The following VEPH1 variants were observed in gnomAD, a reference collection of about 807,000 sequenced individuals.
The protein encoded by VEPH1 is ventricular zone-expressed PH domain-containing protein homolog 1.
VEPH1 carries 80 observed loss-of-function variants against 85.2 expected under a neutral mutation model. The observed-to-expected ratio is 0.94, with a 90% CI of 0.78 to 1.13. The LOEUF (loss-of-function observed/expected upper bound fraction) is 1.13, where lower values mean the gene tolerates loss of function less well. Ranked by LOEUF, VEPH1 falls within the 50% of genes most tolerant of loss-of-function variation. VEPH1 has a pLI of 0.00. For missense variants in VEPH1, 955 were observed against 980.5 expected, an observed-to-expected ratio of 0.97 and a Z score of 0.35; for synonymous variants, 297 against 348.0, an observed-to-expected ratio of 0.85 and a Z score of 1.63.
intron 12 of VEPH1, among the ~76,000 whole-genome samples, chr3:157,272,634 T>G (rs79360845): frequency 9.2e-5 from 2 of 21,856 alleles, no homozygotes; most frequent in African/African-American, 3.9e-4. Flanking sequence ...GTTTTAAAAA[T>G]TTTTTATTTT....
intron 11 of VEPH1, among the ~76,000 whole-genome samples, chr3:157,312,900 ATT>A (rs140277345): frequency 9.7e-4 from 95 of 98,050 alleles, no homozygotes; most frequent in Middle Eastern, 6.2e-3. Context: ...AAAAAAAAAC[ATT>A]TTTTTTTTTT....
At chr3:157,463,488 A>G (rs1736068615) in intron 3 of VEPH1, among the ~76,000 whole-genome samples, 1 of 152,148 alleles carries the variant, frequency 6.6e-6, no homozygotes, top group Non-Finnish European at 1.5e-5. Context: ...ACTTCCCTGA[A>G]TGCCTTTGTC....
intron 5 of VEPH1, among the ~76,000 whole-genome samples, chr3:157,426,831 A>G (rs960637793): frequency 1.4e-5 from 2 of 144,772 alleles, no homozygotes; most frequent in Non-Finnish European, 3.0e-5. Flanking sequence ...TTTTTGAGAC[A>G]GAGTCTCACT....
intron 11 of VEPH1, among the ~76,000 whole-genome samples, chr3:157,288,648 T>A (rs1717086146): frequency 6.6e-6 from 1 of 152,230 alleles, no homozygotes; most frequent in Non-Finnish European, 1.5e-5. Flanking sequence ...AGAGAACATT[T>A]ACACTCCCTG....
chr3:157,261,837 C>A (rs1170678680), intron 13 of VEPH1, among the ~76,000 whole-genome samples: 1 of 152,074 alleles, frequency 6.6e-6, no homozygotes, highest in African/African-American at 2.4e-5. Flanking sequence ...TTTTGAAACT[C>A]TCTGCAGCTT....
At chr3:157,468,353 T>C (rs1019970265) in intron 3 of VEPH1, among the ~76,000 whole-genome samples, 6 of 152,142 alleles carry the variant, frequency 3.9e-5, no homozygotes, top group Non-Finnish European at 8.8e-5. Context: ...AAATGGTGAA[T>C]CACAAGGTCA....
chr3:157,308,371 T>C (rs1719742827), intron 11 of VEPH1, among the ~76,000 whole-genome samples: 1 of 151,994 alleles, frequency 6.6e-6, no homozygotes, highest in Non-Finnish European at 1.5e-5. Context: ...TTCTCTTTTA[T>C]GTAGGCTTTT....
chr3:157,263,675 C>G (rs374604915), intron 13 of VEPH1, among the ~76,000 whole-genome samples: 22 of 152,078 alleles, frequency 1.4e-4, no homozygotes, highest in Admixed American at 1.4e-3. Context: ...ATAACACACA[C>G]AGATGAAGAA....
At chr3:157,436,364 C>T (rs1181920412) in intron 4 of VEPH1, among the ~76,000 whole-genome samples, 1 of 152,106 alleles carries the variant, frequency 6.6e-6, no homozygotes, top group Non-Finnish European at 1.5e-5. Context: ...ACTTTCAGAG[C>T]CATAACTATT....
chr3:157,425,284 G>C (rs1263991376), intron 5 of VEPH1, among the ~76,000 whole-genome samples: 4 of 152,246 alleles, frequency 2.6e-5, no homozygotes, highest in African/African-American at 9.6e-5. Context: ...TGTCCAGACA[G>C]AAGTTTGCTG....
chr3:157,420,740 C>A (rs1210533709), intron 5 of VEPH1, among the ~76,000 whole-genome samples: 2 of 152,138 alleles, frequency 1.3e-5, no homozygotes, highest in East Asian at 3.9e-4. Flanking sequence ...GAAAATAATT[C>A]TCTCCTCTAG....
chr3:157,431,111 AT>A (rs1159103666), intron 4 of VEPH1, among the ~76,000 whole-genome samples: 3 of 152,150 alleles, frequency 2.0e-5, no homozygotes, highest in African/African-American at 7.2e-5. Flanking sequence ...TGCTGTTTTC[AT>A]GATAGTGAGG....
intron 7 of VEPH1, among the ~76,000 whole-genome samples, chr3:157,376,670 T>C (rs1437988997): frequency 6.6e-6 from 1 of 152,238 alleles, no homozygotes; most frequent in African/African-American, 2.4e-5. Flanking sequence ...GCTCACCTGG[T>C]GCTTCTAACA....
intron 9 of VEPH1, among the ~76,000 whole-genome samples, chr3:157,345,370 G>T (rs941425431): frequency 3.3e-5 from 5 of 152,110 alleles, no homozygotes; most frequent in Admixed American, 2.0e-4. Context: ...GTGGGCGAAG[G>T]ATATGAACAG....
chr3:157,294,044 C>T (rs1315342919), intron 11 of VEPH1, among the ~76,000 whole-genome samples: 1 of 152,092 alleles, frequency 6.6e-6, no homozygotes, highest in African/African-American at 2.4e-5. Context: ...TTGATTACTG[C>T]CACCTACATT....
intron 12 of VEPH1, among the ~76,000 whole-genome samples, chr3:157,277,963 T>A (rs1317708417): frequency 1.3e-5 from 2 of 152,142 alleles, no homozygotes; most frequent in African/African-American, 4.8e-5. Flanking sequence ...GAGAAAAAAA[T>A]TATTACTGAA....
intron 11 of VEPH1, among the ~76,000 whole-genome samples, chr3:157,305,136 G>A (rs1373612662): frequency 3.6e-5 from 4 of 109,736 alleles, no homozygotes; most frequent in Non-Finnish European, 6.7e-5. Flanking sequence ...TTGAGACGGA[G>A]TCTCGCTCTG....
At chr3:157,345,232 G>C (rs1724079530) in intron 9 of VEPH1, among the ~76,000 whole-genome samples, 1 of 152,116 alleles carries the variant, frequency 6.6e-6, no homozygotes, top group Non-Finnish European at 1.5e-5. Context: ...CCATCAGAGT[G>C]AACAGGCAAC....
intron 2 of VEPH1, among the ~76,000 whole-genome samples, chr3:157,486,353 A>C (rs1738644722): frequency 6.6e-6 from 1 of 151,904 alleles, no homozygotes; most frequent in African/African-American, 2.4e-5. Flanking sequence ...AAAATTAGTC[A>C]GGTGTGGTGG....
Sources: allele counts gnomAD v4.1 joint callset (sites outside exome capture counted in the v4.1 genomes callset), GRCh38; gene constraint gnomAD v4.1.1; transcripts MANE v1.5; gene names NCBI Gene and HGNC (gene_info 2026-07-23, HGNC 2026-07-21).